DACH2: variants seen among roughly 807,000 people sequenced by gnomAD.
DACH2 encodes dachshund homolog 2.
DACH2 carries 17 observed loss-of-function variants against 35.8 expected under a neutral mutation model. That is an observed-to-expected ratio of 0.48 (90% CI 0.33 to 0.71). DACH2 has a LOEUF of 0.71. Among genes scored for constraint, DACH2 ranks in the 30% least tolerant of loss-of-function variants. The pLI, the probability that DACH2 is intolerant of heterozygous loss-of-function variation, is 0.02. For missense variants in DACH2, 469 were observed against 472.7 expected (o/e 0.99, Z 0.07); for synonymous variants, 195 against 177.3 (o/e 1.10, Z -0.79).
chrX:86,185,349 A>C (rs1474504276), intron 1 of DACH2, among the ~76,000 whole-genome samples: 1 of 111,938 alleles, frequency 8.9e-6, no homozygotes, highest in African/African-American at 3.2e-5. Flanking sequence ...AGCTTTGCTC[A>C]GTTCTCTTAT....
intron 2 of DACH2, among the ~76,000 whole-genome samples, chrX:86,482,798 T>C (rs1341035702): frequency 9.0e-6 from 1 of 110,652 alleles, no homozygotes; most frequent in African/African-American, 3.3e-5. Flanking sequence ...CACCATGGAA[T>C]ACTATGCAGC....
chrX:86,653,405 C>T (rs923659177), intron 4 of DACH2, among the ~76,000 whole-genome samples: 13 of 110,977 alleles, frequency 1.2e-4, no homozygotes, highest in African/African-American at 3.0e-4. Context: ...TGGAAGGGTG[C>T]GGGGGAGCAG....
intron 1 of DACH2, among the ~76,000 whole-genome samples, chrX:86,332,814 T>C (rs1234694334): frequency 8.9e-6 from 1 of 112,076 alleles, no homozygotes; most frequent in African/African-American, 3.2e-5. Context: ...TCCAGTGCAA[T>C]ATATTATAAC....
At chrX:86,625,319 T>C (rs1365175931) in intron 3 of DACH2, among the ~76,000 whole-genome samples, 1 of 109,133 alleles carries the variant, frequency 9.2e-6, no homozygotes, top group Non-Finnish European at 1.9e-5. Flanking sequence ...AATGGAGAAG[T>C]ATTTTTCTAT....
chrX:86,816,549 C>CATT (rs2042454437), intron 11 of DACH2, among the ~76,000 whole-genome samples: 1 of 112,124 alleles, frequency 8.9e-6, no homozygotes, highest in African/African-American at 3.2e-5. Flanking sequence ...TTCAAGACAA[C>CATT]ATTTTTTTCA....
chrX:86,546,386 C>CTTCTTCTTCTTCTTCTTG (rs2038963639), intron 3 of DACH2, among the ~76,000 whole-genome samples: 2 of 69,556 alleles, frequency 2.9e-5, no homozygotes, highest in Non-Finnish European at 5.0e-5. Flanking sequence ...TCTTCTTCTT[C>CTTCTTCTTCTTCTTCTTG]TTCTTCTTCT....
intron 1 of DACH2, among the ~76,000 whole-genome samples, chrX:86,269,992 A>G (rs1384323134): frequency 9.6e-6 from 1 of 104,580 alleles, no homozygotes; most frequent in African/African-American, 3.4e-5. Context: ...AAACTAAGAT[A>G]AGATTCATGT....
At chrX:86,472,916 AT>A (rs1278767806) in intron 2 of DACH2, among the ~76,000 whole-genome samples, 1 of 111,210 alleles carries the variant, frequency 9.0e-6, no homozygotes. Context: ...GCAAATTAAA[AT>A]TTTTTTTCTC....
At chrX:86,230,837 A>G (rs1328397552) in intron 1 of DACH2, among the ~76,000 whole-genome samples, 1 of 111,117 alleles carries the variant, frequency 9.0e-6, no homozygotes, top group African/African-American at 3.3e-5. Context: ...AATATCTCCT[A>G]TTTCATTTCT....
At chrX:86,408,180 C>A (rs2036555193) in intron 2 of DACH2, among the ~76,000 whole-genome samples, 1 of 111,610 alleles carries the variant, frequency 9.0e-6, no homozygotes, top group Non-Finnish European at 1.9e-5. Context: ...TATGATCTCG[C>A]TTATGGTACC....
At chrX:86,543,760 TCA>T (rs2038918903) in intron 3 of DACH2, among the ~76,000 whole-genome samples, 1 of 98,632 alleles carries the variant, frequency 1.0e-5, no homozygotes, top group African/African-American at 3.8e-5. Context: ...CCACATATTC[TCA>T]CTCATAGGTG....
At chrX:86,400,340 G>A (rs999294400) in intron 2 of DACH2, among the ~76,000 whole-genome samples, 4 of 110,568 alleles carry the variant, frequency 3.6e-5, no homozygotes, top group Non-Finnish European at 5.7e-5. Context: ...TCCTCCTTTA[G>A]CTCGGAGTAG....
At chrX:86,385,772 T>G (rs926273011) in intron 2 of DACH2, among the ~76,000 whole-genome samples, 13 of 111,830 alleles carry the variant, frequency 1.2e-4, no homozygotes, top group Non-Finnish European at 7.6e-5. Flanking sequence ...TCACTCTGAA[T>G]TTTGGAACTA....
intron 4 of DACH2, among the ~76,000 whole-genome samples, chrX:86,656,136 C>G (rs763701854): frequency 9.2e-6 from 1 of 108,416 alleles, no homozygotes; most frequent in Non-Finnish European, 1.9e-5. Flanking sequence ...TTCCCCTGGA[C>G]AGTCATTTTC....
intron 3 of DACH2, among the ~76,000 whole-genome samples, chrX:86,600,892 CA>C (rs2039780882): frequency 9.0e-6 from 1 of 111,138 alleles, no homozygotes; most frequent in South Asian, 3.8e-4. Context: ...AGTCAGAGAG[CA>C]AAAACAAAAC....
chrX:86,191,233 C>G (rs893337980), intron 1 of DACH2, among the ~76,000 whole-genome samples: 3 of 111,662 alleles, frequency 2.7e-5, no homozygotes. Flanking sequence ...AACTTCAATG[C>G]CAATCAACGG....
chrX:86,827,534 A>G (rs1022446393), intron 11 of DACH2, among the ~76,000 whole-genome samples: 4 of 111,741 alleles, frequency 3.6e-5, no homozygotes, highest in African/African-American at 1.3e-4. Context: ...TCACTTTTGT[A>G]TAATTTCATT....
chrX:86,473,838 G>A (rs1374516598), intron 2 of DACH2, among the ~76,000 whole-genome samples: 1 of 110,788 alleles, frequency 9.0e-6, no homozygotes. Context: ...CAAGAGTGTA[G>A]ATATCTCTTT....
chrX:86,740,176 G>T, intron 7 of DACH2, among the ~76,000 whole-genome samples: 2 of 110,082 alleles, frequency 1.8e-5, no homozygotes, highest in South Asian at 7.8e-4. Flanking sequence ...GATACAATAC[G>T]CCTGACACAG....
Sources: gnomAD v4.1 joint callset for allele counts (sites outside exome capture counted in the v4.1 genomes callset) on GRCh38, gnomAD v4.1.1 for gene constraint, MANE v1.5 for transcripts, NCBI Gene and HGNC (gene_info 2026-07-23, HGNC 2026-07-21) for gene names.